Variants in VRTN observed in about 807,000 individuals in gnomAD.
VRTN encodes vertnin.
A neutral mutation model predicts 18.2 loss-of-function variants in VRTN; 5 were observed. The ratio of observed to expected loss-of-function variants is 0.27; its 90% CI spans 0.14 to 0.58. VRTN has a LOEUF of 0.58. Ranked by LOEUF, VRTN falls within the 20% of genes least tolerant of loss-of-function variation. The pLI is 0.91. For missense variants in VRTN, 741 were observed against 939.4 expected (o/e 0.79, Z 2.76); for synonymous variants, 381 against 393.7 (o/e 0.97, Z 0.38).
chr14:74,344,018 G>A (rs1324384777), upstream of VRTN, among the ~76,000 whole-genome samples: 1 of 150,326 alleles, frequency 6.7e-6, no homozygotes, highest in African/African-American at 2.4e-5. Flanking sequence ...GGCTGGTCTC[G>A]AACTCCTGAC....
upstream of VRTN, among the ~76,000 whole-genome samples, chr14:74,344,086 C>T (rs1314944607): frequency 6.6e-6 from 1 of 151,226 alleles, no homozygotes; most frequent in Non-Finnish European, 1.5e-5. Flanking sequence ...GTGTGAGCCA[C>T]CACGCCTGGC....
intron 1 of VRTN, among the ~76,000 whole-genome samples, chr14:74,353,298 GA>G (rs374538575): frequency 4.0e-5 from 6 of 151,832 alleles, no homozygotes; most frequent in African/African-American, 1.5e-4. Flanking sequence ...CAAAAAAAAA[GA>G]AAAAAAGTGT....
At chr14:74,319,921 T>C (rs2140195924) in intron 1 of VRTN, among the ~76,000 whole-genome samples, 1 of 152,180 alleles carries the variant, frequency 6.6e-6, no homozygotes, top group South Asian at 2.1e-4. Context: ...GACAAATGTG[T>C]TGTCCTGAAA....
intron 1 of VRTN, among the ~76,000 whole-genome samples, chr14:74,316,729 C>T (rs538692634): frequency 2.7e-5 from 4 of 150,484 alleles, no homozygotes; most frequent in African/African-American, 4.9e-5. Flanking sequence ...CTCCGCCTCC[C>T]GGGTTCACGC....
chr14:74,344,834 A>G (rs1477228765), upstream of VRTN, among the ~76,000 whole-genome samples: 6 of 152,020 alleles, frequency 3.9e-5, no homozygotes, highest in African/African-American at 1.4e-4. Context: ...AAATGAAGTG[A>G]AAAAAGCAAG....
intron 1 of VRTN, among the ~76,000 whole-genome samples, chr14:74,315,490 A>G (rs1290004275): frequency 6.6e-6 from 1 of 152,198 alleles, no homozygotes; most frequent in African/African-American, 2.4e-5. Flanking sequence ...CTTGAGGCCA[A>G]GAGTTTGAGA....
chr14:74,314,855 T>C (rs775034916), intron 1 of VRTN, among the ~76,000 whole-genome samples: 2 of 152,244 alleles, frequency 1.3e-5, no homozygotes, highest in Non-Finnish European at 1.5e-5. Context: ...GTTTGTGTGG[T>C]GTTCCTTTCT....
At chr14:74,333,797 G>A (rs955946388) in intron 1 of VRTN, among the ~76,000 whole-genome samples, 19 of 147,278 alleles carry the variant, frequency 1.3e-4, no homozygotes, top group African/African-American at 4.8e-4. Flanking sequence ...CCAAGATCGC[G>A]CCATTGCACT....
At position 74,358,311 on chromosome 14, in the gene VRTN, C is replaced by G. The variant is rs139474205; in HGVS notation, c.1528C>G (p.Arg510Gly). 1.3e-3 allele frequency: 2,062 copies of G among 1,611,452 alleles called. No homozygotes were observed. The highest frequency in any genetic ancestry group is 1.7e-3 in the Middle Eastern group (10 of 6,054). Residue 510 changes from arginine to glycine, a missense_variant, in exon 2 of 2, where the codon CGT becomes GGT. Physicochemically the swap from Arg to Gly is moderately radical, Grantham distance 125. This residue lies in a region of VRTN where 494 missense variants were observed against 546.5 expected (regional missense o/e 0.90). Transcript: ENST00000256362. This position sits in a 1 kb window ranked among gnomAD's most constrained non-coding sequence, Gnocchi z 5.4. ...LRMPLSRWQR[R>G]LRRAARRQVL... The stretch of plus-strand genomic sequence containing the variant: ...GATGCCCCTGTCCCGTTGGCAGAGG[C>G]GTCTGCGCAGGGCTGCCCGCAGGCA...
upstream of VRTN, among the ~76,000 whole-genome samples, chr14:74,344,246 C>CCCAAAAAAAAAAAAAAA (rs2085627125): frequency 3.1e-5 from 1 of 32,512 alleles, no homozygotes; most frequent in East Asian, 1.1e-3. Context: ...CTGCTTTCTA[C>CCCAAAAAAAAAAAAAAA]AAAAAAAAAA....
intron 1 of VRTN, 149 bp downstream of exon 1, chr14:74,348,801 G>A (rs1948493511): frequency 1.3e-5 from 2 of 152,408 alleles, no homozygotes. Flanking sequence ...GTGTATGTGT[G>A]TCTGGGAGTG....
exon 1 of VRTN, chr14:74,303,169 A>G: frequency 2.4e-6 from 1 of 414,320 alleles, no homozygotes; most frequent in East Asian, 3.6e-5. Flanking sequence ...GAGTGTAACT[A>G]CTTTATGGCA....
intron 1 of VRTN, among the ~76,000 whole-genome samples, chr14:74,336,004 G>A (rs2085561466): frequency 6.6e-6 from 1 of 151,712 alleles, no homozygotes; most frequent in Non-Finnish European, 1.5e-5. Context: ...GCTTCTCAAA[G>A]TGCTGGTATT....
intron 1 of VRTN, among the ~76,000 whole-genome samples, chr14:74,317,840 TG>T (rs1385335837): frequency 6.7e-6 from 1 of 149,940 alleles, no homozygotes; most frequent in African/African-American, 2.4e-5. Context: ...AAAATCTCAA[TG>T]GTGGCTGGGC....
At chr14:74,344,757 G>GT (rs1402874916), upstream of VRTN, among the ~76,000 whole-genome samples, 1 of 77,836 alleles carries the variant, frequency 1.3e-5, no homozygotes, top group African/African-American at 6.1e-5. Context: ...ATGAAAAAAA[G>GT]AAAAATGTAA....
intron 1 of VRTN, among the ~76,000 whole-genome samples, chr14:74,351,495 G>GTTTT (rs59810913): frequency 7.8e-5 from 7 of 89,686 alleles, no homozygotes; most frequent in Admixed American, 2.5e-4. Flanking sequence ...TGATTACCAG[G>GTTTT]TTTTTTTTTT....
intron 1 of VRTN, among the ~76,000 whole-genome samples, chr14:74,304,752 G>A (rs1324281885): frequency 6.6e-6 from 1 of 152,116 alleles, no homozygotes; most frequent in Non-Finnish European, 1.5e-5. Context: ...GAACCAAAGA[G>A]AAAGGCATTT....
At chr14:74,355,065 C>T (rs1397169395) in intron 1 of VRTN, among the ~76,000 whole-genome samples, 1 of 151,306 alleles carries the variant, frequency 6.6e-6, no homozygotes, top group Non-Finnish European at 1.5e-5. Context: ...TCTCTTGAAC[C>T]CGGGAGGTAG....
rs749358571 is a variant in VRTN, at chr14:74,357,759, C to CG, written c.983dup (p.Val329ArgfsTer25). The stretch of plus-strand genomic sequence containing the variant: ...GCACTTCCTGCAGGACAGCTTCCAC[C>CG]GGGGGGGCGTCGTGCCACTTCAGCA... On this transcript the variant is annotated frameshift_variant, in exon 2 of 2. Coordinates refer to ENST00000256362, the MANE Select transcript of VRTN (RefSeq NM_018228.3). LOFTEE classifies it low-confidence loss of function (END_TRUNC). This position sits in a 1 kb window ranked among gnomAD's most constrained non-coding sequence, Gnocchi z 7.8. 14 of 1,613,028 alleles carry CG rather than the reference C, an allele frequency of 8.7e-6. No individual in the cohort carries two copies. The highest frequency in any genetic ancestry group is 1.1e-5 in the South Asian group (1 of 91,076).
Sources: allele counts gnomAD v4.1 joint callset (sites outside exome capture counted in the v4.1 genomes callset), GRCh38; gene constraint gnomAD v4.1.1; regional missense constraint gnomAD v4.1.1; non-coding constraint Gnocchi (gnomAD v3.1); transcripts MANE v1.5; gene names NCBI Gene and HGNC (gene_info 2026-07-23, HGNC 2026-07-21).